ATP8B4: variants seen among roughly 807,000 people sequenced by gnomAD.
ATP8B4 encodes probable phospholipid-transporting ATPase IM.
Under a neutral mutation model 145.6 loss-of-function variants are expected in ATP8B4, and 133 were observed. That is an observed-to-expected ratio of 0.91 (90% confidence interval 0.79 to 1.05). ATP8B4 has a LOEUF of 1.05. Among genes scored for constraint, ATP8B4 ranks in the 50% least tolerant of loss-of-function variants. The pLI, the probability that ATP8B4 is intolerant of heterozygous loss-of-function variation, is 0.00. For synonymous variants in ATP8B4, 507 were observed against 492.9 expected (o/e 1.03, Z -0.38); for missense variants, 1,458 against 1,425.2 (o/e 1.02, Z -0.37).
Position 49,961,958 on chromosome 15 carries a change from A to C in ATP8B4, c.1287+19T>G. On this transcript the variant is annotated intron_variant, in intron 14 of 27. Transcript: ENST00000284509. The stretch of plus-strand genomic sequence containing the variant: ...AATTTGAAATTAAAACTAAGAATAA[A>C]ATTTTATCACTTCCACACCTGAGTT... 6.3e-7 allele frequency: 1 copy of C among 1,575,844 alleles called. No individual in the cohort carries two copies. Among genetic ancestry groups the C allele is most frequent in the East Asian group, 2.3e-5 (1 of 43,996 alleles).
intron 2 of ATP8B4, among the ~76,000 whole-genome samples, chr15:50,080,519 C>T (rs546325308): frequency 1.3e-5 from 2 of 152,146 alleles, no homozygotes; most frequent in African/African-American, 2.4e-5. Flanking sequence ...AAGATACAGA[C>T]AGAACATCCA....
chr15:50,074,500 G>A (rs1029335538), intron 2 of ATP8B4, among the ~76,000 whole-genome samples: 3 of 152,184 alleles, frequency 2.0e-5, no homozygotes, highest in African/African-American at 7.2e-5. Flanking sequence ...CTAAGAGAAG[G>A]AGCTGACAAA....
intron 6 of ATP8B4, among the ~76,000 whole-genome samples, chr15:50,011,227 G>T (rs895036396): frequency 6.6e-6 from 1 of 152,118 alleles, no homozygotes; most frequent in African/African-American, 2.4e-5. Flanking sequence ...ATAAATTTTA[G>T]TCACTGACAT....
Position 50,164,781 on chromosome 15 carries a change from T to G in ATP8B4, c.-43+17480A>C, listed in dbSNP as rs192014359. On this transcript the variant is annotated intron_variant, in intron 1 of 3. Coordinates refer to the ATP8B4 transcript ENST00000558829. ...CTTCCAGAACTCAGACTCTGACCAT[T>G]GAGATGGGAGATTCACCTCTGGCTA... is the stretch of plus-strand genomic sequence containing the variant. Among the ~76,000 whole-genome samples, 378 of 152,348 alleles carry G rather than the reference T, an allele frequency of 2.5e-3. 1 individual carries two copies. Among genetic ancestry groups the G allele is most frequent in the Non-Finnish European group, 4.4e-3 (300 of 68,016 alleles).
intron 23 of ATP8B4, chr15:49,896,504 G>A (rs964251853): frequency 3.9e-5 from 6 of 152,090 alleles, no homozygotes; most frequent in Non-Finnish European, 8.8e-5. Flanking sequence ...ACCCAAAGAA[G>A]GGAAGAACAA....
chr15:50,085,947 TATATATCATATATATTTATATATG>T lies in ATP8B4; in HGVS notation c.29-11786_29-11763del, dbSNP rs2054946151. On this transcript the variant is annotated intron_variant, in intron 2 of 27. Transcript: ENST00000284509. ...ATATATCATATATATTTATATATGA[TATATATCATATATATTTATATATG>T]ATATATCAAATATATCATATATATT... Among the ~76,000 whole-genome samples the T allele has an allele frequency of 6.0e-5, 5 of 83,404 alleles. 2 individuals carry two copies. In the South Asian group the frequency reaches 1.5e-3, roughly 24 times the overall value. 54.7% of individuals were successfully genotyped at this position (83,404 alleles called of 152,430 possible).
Position 49,860,238 on chromosome 15 carries a change from CTG to C in ATP8B4, c.3533_3534del (p.Thr1178ArgfsTer7). 4 of 1,614,100 alleles carry C rather than the reference CTG, an allele frequency of 2.5e-6. No homozygotes were observed. The highest frequency in any genetic ancestry group is 3.4e-6 in the Non-Finnish European group (4 of 1,179,976). The stretch of plus-strand genomic sequence containing the variant: ...TCCTGGCTAAAGCTGCTCACGGTGT[CTG>C]TGGTTTTCTTACATAAATTTTCAAT... ...SWIENLCKKT[T>X]DTVSSFSQDK... On this transcript the variant is annotated frameshift_variant, in exon 28 of 28. Transcript: ENST00000284509. LOFTEE classifies it high-confidence loss of function.
At chr15:49,861,626 C>G (rs1353209597) in intron 27 of ATP8B4, among the ~76,000 whole-genome samples, 2 of 152,118 alleles carry the variant, frequency 1.3e-5, no homozygotes, top group Non-Finnish European at 2.9e-5. Context: ...GAGTCCTGAC[C>G]TAAGTTGATA....
chr15:49,864,153 T>C (rs2032369188), intron 26 of ATP8B4, among the ~76,000 whole-genome samples: 1 of 152,246 alleles, frequency 6.6e-6, no homozygotes, highest in Non-Finnish European at 1.5e-5. Flanking sequence ...AAACAACGTA[T>C]TACCAGTACA....
In ATP8B4 at chr15:49,934,472, A is replaced by G. The variant is rs190741331; in HGVS notation, c.1288-290T>C. On this transcript the variant is annotated intron_variant, in intron 14 of 27. Transcript: ENST00000284509. ...TCAATACAACTTCAAAATACAAAAA[A>G]CCACAGAAAATGCAAAGTTTTTTCA... 2.6e-5 allele frequency among the ~76,000 whole-genome samples: 4 copies of G among 152,206 alleles called. No homozygotes were observed. In the East Asian group the frequency reaches 7.7e-4, roughly 29 times the overall value.
chr15:49,989,470 C>A (rs1339755749), intron 9 of ATP8B4, among the ~76,000 whole-genome samples: 3 of 152,064 alleles, frequency 2.0e-5, no homozygotes, highest in Admixed American at 6.5e-5. Context: ...ATATGCAGTC[C>A]CTGCCAAAAG....
chr15:50,082,741 T>C (rs2054634927), intron 2 of ATP8B4, among the ~76,000 whole-genome samples: 1 of 152,214 alleles, frequency 6.6e-6, no homozygotes, highest in Non-Finnish European at 1.5e-5. Context: ...ATTATGATAA[T>C]GATAATAGTA....
intron 16 of ATP8B4, among the ~76,000 whole-genome samples, chr15:49,929,431 T>A (rs1379246306): frequency 6.6e-6 from 1 of 152,090 alleles, no homozygotes; most frequent in African/African-American, 2.4e-5. Context: ...TAGAAAGAAC[T>A]ATAGTTGTGA....
intron 18 of ATP8B4, among the ~76,000 whole-genome samples, chr15:49,919,556 T>C (rs2153453742): frequency 6.6e-6 from 1 of 152,248 alleles, no homozygotes; most frequent in Middle Eastern, 3.4e-3. Context: ...TAGTTGGGAC[T>C]ACAGGCGCCC....
chr15:49,953,244 G>A (rs1458980710), intron 14 of ATP8B4, among the ~76,000 whole-genome samples: 1 of 152,134 alleles, frequency 6.6e-6, no homozygotes, highest in Non-Finnish European at 1.5e-5. Context: ...TGGTGGAAGG[G>A]CTGTGTTTCA....
At chr15:49,979,988 T>A (rs1397480284) in intron 11 of ATP8B4, among the ~76,000 whole-genome samples, 175 bp from the exon 12 acceptor site, 6 of 152,208 alleles carry the variant, frequency 3.9e-5, no homozygotes, top group African/African-American at 1.4e-4. Context: ...ATATTTTACA[T>A]ACATTTTCTC....
At position 50,034,938 on chromosome 15, in the gene ATP8B4, T is replaced by C. The variant is rs140632770; in HGVS notation, c.362+3830A>G. 1.6e-4 allele frequency among the ~76,000 whole-genome samples: 25 copies of C among 152,360 alleles called. No individual in the cohort carries two copies. In the East Asian group the frequency reaches 4.8e-3, roughly 29 times the overall value. Reference sequence around the variant, plus strand: ...TCGCAGACTTGCCAACAGTATCTTGTAGCCTAGGGCTGAGAATGTGCACTT... The same window carrying C: ...TCGCAGACTTGCCAACAGTATCTTGCAGCCTAGGGCTGAGAATGTGCACTT... On this transcript the variant is annotated intron_variant, in intron 6 of 27. Transcript: ENST00000284509.
intron 2 of ATP8B4, among the ~76,000 whole-genome samples, chr15:50,075,054 C>T (rs555049907): frequency 1.3e-5 from 2 of 152,276 alleles, no homozygotes; most frequent in South Asian, 2.1e-4. Context: ...ATTAAATTCC[C>T]TTAATCCCAT....
At chr15:50,128,238 G>T (rs2057319948) in intron 1 of ATP8B4, among the ~76,000 whole-genome samples, 1 of 152,234 alleles carries the variant, frequency 6.6e-6, no homozygotes, top group Non-Finnish European at 1.5e-5. Context: ...TAGCTTCAGA[G>T]CTAAACTTCA....
Sources: gnomAD v4.1 joint callset for allele counts (sites outside exome capture counted in the v4.1 genomes callset) on GRCh38, gnomAD v4.1.1 for gene constraint, MANE v1.5 for transcripts, NCBI Gene and HGNC (gene_info 2026-07-23, HGNC 2026-07-21) for gene names.